The following BOLA1 variants were observed in gnomAD, a reference collection of about 807,000 sequenced individuals.
BOLA1 encodes bolA-like protein 1.
Under a neutral mutation model 6.6 loss-of-function variants are expected in BOLA1, and 6 were observed. That is an observed-to-expected ratio of 0.92 (90% CI 0.50 to 1.81). The LOEUF is 1.81. Among genes scored for constraint, BOLA1 ranks in the 40% most tolerant of loss-of-function variants. The pLI, the probability that BOLA1 is intolerant of heterozygous loss-of-function variation, is 0.01. For synonymous variants in BOLA1, 87 were observed against 85.6 expected (o/e 1.02, Z -0.09); for missense variants, 183 against 186.8 (o/e 0.98, Z 0.12).
intron 1 of BOLA1, 26 bp from the exon 2 acceptor site, chr1:149,899,984 G>A (rs1204348336): frequency 2.4e-5 from 36 of 1,494,152 alleles, no homozygotes; most frequent in Non-Finnish European, 3.0e-5. Flanking sequence ...ATCGCGGGGC[G>A]GGTGTTGACA....
chr1:149,899,917 G>A, intron 1 of BOLA1, 93 bp from the exon 2 acceptor site: 1 of 1,007,082 alleles, frequency 9.9e-7, no homozygotes, highest in South Asian at 1.9e-5. Context: ...CATCAAGGCG[G>A]GCTCCCTATA....
chr1:149,900,046 C>G lies in BOLA1; in HGVS notation c.-14C>G. On this transcript the variant is annotated 5_prime_UTR_variant, in exon 2 of 2. Coordinates refer to ENST00000369152, the MANE Select transcript of BOLA1 (RefSeq NM_016074.5). ...CGACCCTCACTCCTGGCGTCTGAGTCTCTGGCGTAGCCCATGCTGAGTGGG... is the reference window on the plus strand; with the variant it reads ...CGACCCTCACTCCTGGCGTCTGAGTGTCTGGCGTAGCCCATGCTGAGTGGG... The G allele has an allele frequency of 1.3e-6, 2 of 1,565,884 alleles. No individual in the cohort carries two copies. Among genetic ancestry groups the G allele is most frequent in the Non-Finnish European group, 1.7e-6 (2 of 1,151,348 alleles).
At position 149,900,308 on chromosome 1, in the gene BOLA1, A is replaced by C. The variant is rs781836980; in HGVS notation, c.249A>C (p.Leu83=). 1 of 1,613,714 alleles carries C rather than the reference A, an allele frequency of 6.2e-7. No individual in the cohort carries two copies. The highest frequency in any genetic ancestry group is 8.5e-7 in the Non-Finnish European group (1 of 1,179,932). The part of the protein sequence containing the change: ...VSSRFEGLSP[L]QRHRLVHAAL... ...CTCGTTTCGAGGGACTGAGCCCCCT[A>C]CAACGACACCGGCTGGTCCACGCAG... Residue 83 remains leucine, a synonymous_variant, in exon 2 of 2, where the codon CTA becomes CTC. Transcript: ENST00000369152.
chr1:149,899,834 C>T lies in BOLA1; in HGVS notation c.-51+162C>T, dbSNP rs141511794. 1.3e-3 allele frequency: 710 copies of T among 527,418 alleles called. 10 individuals are homozygous for T. Among genetic ancestry groups the T allele is most frequent in the African/African-American group, 0.013 (667 of 52,082 alleles). The allele number at this position is 527,418 out of a possible 1,614,324, so 32.7% of individuals were successfully genotyped here. On this transcript the variant is annotated intron_variant, in intron 1 of 1. Coordinates refer to ENST00000369152, the MANE Select transcript of BOLA1 (RefSeq NM_016074.5). ...TTTCTAATCTTCGCTTGTCCCTTCACTTCCACAGCTGGAGGTCGAATTCAC... is the reference window on the plus strand; with the variant it reads ...TTTCTAATCTTCGCTTGTCCCTTCATTTCCACAGCTGGAGGTCGAATTCAC...
In BOLA1 at chr1:149,900,728, G is replaced by T; in HGVS notation, c.*255G>T. On this transcript the variant is annotated 3_prime_UTR_variant, in exon 2 of 2. Coordinates refer to ENST00000369152, the MANE Select transcript of BOLA1 (RefSeq NM_016074.5). ...CAGCCCGGATGTTCCATGTTAAATCGTGACAGAATTGCACCAGACCTGATG... is the reference window on the plus strand; with the variant it reads ...CAGCCCGGATGTTCCATGTTAAATCTTGACAGAATTGCACCAGACCTGATG... 2 of 437,884 alleles carry T rather than the reference G, an allele frequency of 4.6e-6. No homozygotes were observed. The highest frequency in any genetic ancestry group is 8.3e-6 in the Non-Finnish European group (2 of 240,878). The allele number at this position is 437,884 out of a possible 1,614,324, so 27.1% of individuals were successfully genotyped here. A position where few individuals can be genotyped will look rare whatever the true frequency, so the allele number is the denominator to read the frequency against.
chr1:149,900,068 T>G lies in BOLA1; in HGVS notation c.9T>G (p.Ser3Arg). Residue 3 changes from serine (S) to arginine (R), a missense_variant, in exon 2 of 2, where the codon AGT (serine) becomes AGG (arginine). Coordinates refer to ENST00000369152, the MANE Select transcript of BOLA1 (RefSeq NM_016074.5). ML[S>R]GRLVLGLVSM... ...AGTCTCTGGCGTAGCCCATGCTGAG[T>G]GGGCGGCTGGTCCTGGGTCTGGTCT... is the stretch of plus-strand genomic sequence containing the variant. 6.3e-7 allele frequency: 1 copy of G among 1,591,936 alleles called. No homozygotes were observed.
chr1:149,900,433 C>G lies in BOLA1; in HGVS notation c.374C>G (p.Pro125Arg). 6.3e-7 allele frequency: 1 copy of G among 1,593,338 alleles called. No homozygotes were observed. The highest frequency in any genetic ancestry group is 8.6e-7 in the Non-Finnish European group (1 of 1,165,534). The change falls in exon 2 of 2, where the codon CCA (proline) becomes CGA (arginine). Residue 125 changes from proline to arginine, a missense_variant. By Grantham distance (103) the Pro-to-Arg change is moderately radical. Transcript: ENST00000369152. ...AACTCTCAGCTGGACACTAGCCCCC[C>G]ATGCCTGGGTGGGAACAAGAAAACT... ...RENSQLDTSPPCLGGNKKTLG... is the reference protein window; with the variant it reads ...RENSQLDTSPRCLGGNKKTLG...
rs200507248 is a variant in BOLA1, at chr1:149,900,461, A to G, written c.402A>G (p.Leu134=). ...PPCLGGNKKT[L]GTP ...GCCTGGGTGGGAACAAGAAAACTCT[A>G]GGAACCCCCTGAACCCCAAGAGAGG... The change falls in exon 2 of 2, where the codon CTA becomes CTG. Residue 134 remains leucine, a synonymous_variant. Coordinates refer to ENST00000369152, the MANE Select transcript of BOLA1 (RefSeq NM_016074.5). 1 of 1,580,438 alleles carries G rather than the reference A, an allele frequency of 6.3e-7. No individual in the cohort carries two copies. Among genetic ancestry groups the G allele is most frequent in the South Asian group, 1.1e-5 (1 of 88,444 alleles).
Position 149,900,326 on chromosome 1 carries a change from C to G in BOLA1, c.267C>G (p.Val89=). Residue 89 remains valine (V), a synonymous_variant, in exon 2 of 2, where the codon GTC becomes GTG. Transcript: ENST00000369152. ...GLSPLQRHRL[V]HAALAEELGG... is the part of the protein sequence containing the mutation. Reference sequence around the variant, plus strand: ...GCCCCCTACAACGACACCGGCTGGTCCACGCAGCGCTGGCCGAGGAGCTGG... The same window carrying G: ...GCCCCCTACAACGACACCGGCTGGTGCACGCAGCGCTGGCCGAGGAGCTGG... 6.2e-7 allele frequency: 1 copy of G among 1,613,294 alleles called. No individual in the cohort carries two copies. Among genetic ancestry groups the G allele is most frequent in the Non-Finnish European group, 8.5e-7 (1 of 1,179,954 alleles).
chr1:149,900,297 C>G lies in BOLA1; in HGVS notation c.238C>G (p.Leu80Val), dbSNP rs140358236. The change falls in exon 2 of 2, where the codon CTG becomes GTG. Residue 80 changes from leucine to valine, a missense_variant. Physicochemically the swap from Leu to Val is conservative, Grantham distance 32. Coordinates refer to ENST00000369152, the MANE Select transcript of BOLA1 (RefSeq NM_016074.5). The part of the protein sequence containing the change: ...VAVVSSRFEG[L>V]SPLQRHRLVH... ...TGTGGTGAGCTCTCGTTTCGAGGGA[C>G]TGAGCCCCCTACAACGACACCGGCT... The G allele has an allele frequency of 1.2e-6, 2 of 1,613,596 alleles. No homozygotes were observed. Among genetic ancestry groups the G allele is most frequent in the African/African-American group, 2.7e-5 (2 of 74,938 alleles).
chr1:149,900,656 A>G lies in BOLA1; in HGVS notation c.*183A>G. Reference sequence around the variant, plus strand: ...CAGGTCAAAGTGAACCCGAGAAAAGAGAAGAATCACTCACTACTGCTCTTG... The same window carrying G: ...CAGGTCAAAGTGAACCCGAGAAAAGGGAAGAATCACTCACTACTGCTCTTG... On this transcript the variant is annotated 3_prime_UTR_variant, in exon 2 of 2. Transcript: ENST00000369152. The G allele has an allele frequency of 3.2e-6, 2 of 632,782 alleles. No homozygotes were observed. Among genetic ancestry groups the G allele is most frequent in the South Asian group, 5.5e-5 (2 of 36,308 alleles). 39.2% of individuals were successfully genotyped at this position (632,782 alleles called of 1,614,324 possible). A position where few individuals can be genotyped will look rare whatever the true frequency, so the allele number is the denominator to read the frequency against.
Position 149,900,011 on chromosome 1 carries a change from C to A in BOLA1, c.-49C>A. On this transcript the variant is annotated splice_region_variant and 5_prime_UTR_variant, in exon 2 of 2. Coordinates refer to ENST00000369152, the MANE Select transcript of BOLA1 (RefSeq NM_016074.5). ...GTGTTGACATTGTGCTCTCACCAGG[C>A]GGATCGCCCCGACCCTCACTCCTGG... The A allele has an allele frequency of 1.3e-6, 2 of 1,527,872 alleles. No individual in the cohort carries two copies. The highest frequency in any genetic ancestry group is 1.8e-6 in the Non-Finnish European group (2 of 1,136,880). 94.6% of individuals were successfully genotyped at this position (1,527,872 alleles called of 1,614,324 possible).
At chr1:149,899,925 A>C in intron 1 of BOLA1, 85 bp from the exon 2 acceptor site, 1 of 1,142,580 alleles carries the variant, frequency 8.8e-7, no homozygotes, top group Non-Finnish European at 1.2e-6. Flanking sequence ...CGGGCTCCCT[A>C]TAGGAGCTGG....
chr1:149,899,967 T>G (rs1480043937), intron 1 of BOLA1, 43 bp from the exon 2 acceptor site: 22 of 1,474,230 alleles, frequency 1.5e-5, no homozygotes, highest in Non-Finnish European at 2.0e-5. Flanking sequence ...TTAGGGCGGA[T>G]GCGGGGATCG....
In BOLA1 at chr1:149,900,418, T is replaced by C. The variant is rs1553761742; in HGVS notation, c.359T>C (p.Leu120Pro). Residue 120 changes from leucine to proline, a missense_variant, in exon 2 of 2, where the codon CTG becomes CCG. Coordinates refer to ENST00000369152, the MANE Select transcript of BOLA1 (RefSeq NM_016074.5). ...TPAQWRENSQ[L>P]DTSPPCLGGN... The stretch of plus-strand genomic sequence containing the variant: ...GCCCAGTGGAGAGAGAACTCTCAGC[T>C]GGACACTAGCCCCCCATGCCTGGGT... 6.2e-7 allele frequency: 1 copy of C among 1,605,490 alleles called. No homozygotes were observed. Among genetic ancestry groups the C allele is most frequent in the East Asian group, 2.2e-5 (1 of 44,634 alleles).
Position 149,900,430 on chromosome 1 carries a change from C to T in BOLA1, c.371C>T (p.Pro124Leu). 6.3e-7 allele frequency: 1 copy of T among 1,594,202 alleles called. No individual in the cohort carries two copies. Among genetic ancestry groups the T allele is most frequent in the Non-Finnish European group, 8.6e-7 (1 of 1,165,972 alleles). Reference protein sequence around the residue: ...WRENSQLDTSPPCLGGNKKTL... With the variant: ...WRENSQLDTSLPCLGGNKKTL... Reference sequence around the variant, plus strand: ...GAGAACTCTCAGCTGGACACTAGCCCCCCATGCCTGGGTGGGAACAAGAAA... The same window carrying T: ...GAGAACTCTCAGCTGGACACTAGCCTCCCATGCCTGGGTGGGAACAAGAAA... The change falls in exon 2 of 2, where the codon CCC (proline) becomes CTC (leucine). Residue 124 changes from proline (P) to leucine (L), a missense_variant. Pro to Leu is a moderately conservative substitution (Grantham distance 98). Coordinates refer to ENST00000369152, the MANE Select transcript of BOLA1 (RefSeq NM_016074.5).
Position 149,900,367 on chromosome 1 carries a change from C to G in BOLA1, c.308C>G (p.Ala103Gly). Reference sequence around the variant, plus strand: ...GAGGAGCTGGGAGGTCCGGTCCATGCGCTGGCCATCCAGGCACGGACCCCC... The same window carrying G: ...GAGGAGCTGGGAGGTCCGGTCCATGGGCTGGCCATCCAGGCACGGACCCCC... ...LAEELGGPVH[A>G]LAIQARTPAQ... Residue 103 changes from alanine to glycine, a missense_variant, in exon 2 of 2, where the codon GCG becomes GGG. Physicochemically the swap from Ala to Gly is moderately conservative, Grantham distance 60 (BLOSUM62 0). Coordinates refer to ENST00000369152, the MANE Select transcript of BOLA1 (RefSeq NM_016074.5). The G allele has an allele frequency of 6.2e-7, 1 of 1,613,260 alleles. No individual in the cohort carries two copies. The highest frequency in any genetic ancestry group is 1.1e-5 in the South Asian group (1 of 91,064).
At position 149,900,484 on chromosome 1, in the gene BOLA1, A is replaced by G; in HGVS notation, c.*11A>G. 1 of 1,550,224 alleles carries G rather than the reference A, an allele frequency of 6.5e-7. No homozygotes were observed. Among genetic ancestry groups the G allele is most frequent in the Non-Finnish European group, 8.7e-7 (1 of 1,144,760 alleles). The stretch of plus-strand genomic sequence containing the variant: ...CTAGGAACCCCCTGAACCCCAAGAG[A>G]GGGAGGACCAGGATCCGAATGGGCT... On this transcript the variant is annotated 3_prime_UTR_variant, in exon 2 of 2. Transcript: ENST00000369152.
In BOLA1 at chr1:149,900,147, G is replaced by A. The variant is rs2092384022; in HGVS notation, c.88G>A (p.Gly30Ser). Residue 30 changes from glycine to serine, a missense_variant, in exon 2 of 2, where the codon GGT (glycine) becomes AGT (serine). By Grantham distance (56) the Gly-to-Ser change is moderately conservative. Coordinates refer to ENST00000369152, the MANE Select transcript of BOLA1 (RefSeq NM_016074.5). Reference protein sequence around the residue: ...CQGSAGSGAIGPVEAAIRTKL... With the variant: ...CQGSAGSGAISPVEAAIRTKL... ...GGGCAGCGCGGGATCCGGGGCCATC[G>A]GTCCGGTGGAGGCCGCCATTCGCAC... is the stretch of plus-strand genomic sequence containing the variant. 10 of 1,613,198 alleles carry A rather than the reference G, an allele frequency of 6.2e-6. No homozygotes were observed. The highest frequency in any genetic ancestry group is 1.7e-5 in the Admixed American group (1 of 59,976).
Sources: gnomAD v4.1 joint callset for allele counts on GRCh38, gnomAD v4.1.1 for gene constraint, MANE v1.5 for transcripts, NCBI Gene and HGNC (gene_info 2026-07-23, HGNC 2026-07-21) for gene names.